CPXM2: variants seen among roughly 807,000 people sequenced by gnomAD.
CPXM2 encodes carboxypeptidase X, M14 family member 2.
In CPXM2, 66 loss-of-function variants were observed where a neutral mutation model predicts 86.1. The observed-to-expected ratio is 0.77, with a 90% CI of 0.63 to 0.94. CPXM2 has a LOEUF of 0.94. Among genes scored for constraint, CPXM2 ranks in the 40% least tolerant of loss-of-function variants. The probability of loss-of-function intolerance (pLI) is 0.00; values close to 1 mark genes in which losing one functional copy is unlikely to be tolerated. For missense variants in CPXM2, 948 were observed against 1,026.3 expected, an observed-to-expected ratio of 0.92 and a Z score of 1.04; for synonymous variants, 388 against 400.2, an observed-to-expected ratio of 0.97 and a Z score of 0.36.
rs559323634 is a variant in CPXM2 at position 123,811,438 on chromosome 10, G to T, written c.654-12239C>A. Among the ~76,000 whole-genome samples the T allele has an allele frequency of 8.5e-5, 13 of 152,222 alleles. No homozygotes were observed. In the East Asian group the frequency reaches 2.3e-3, roughly 27 times the overall value. On this transcript the variant is annotated intron_variant, in intron 4 of 13. Transcript: ENST00000241305. Reference sequence around the variant, plus strand: ...CTTGCAATAGTTTGCAGAGAATGATGCTGACTGGATTAGCTACTTAAATGT... The same window carrying T: ...CTTGCAATAGTTTGCAGAGAATGATTCTGACTGGATTAGCTACTTAAATGT...
intron 4 of CPXM2, among the ~76,000 whole-genome samples, chr10:123,801,540 C>A (rs146888530): frequency 6.6e-6 from 1 of 152,306 alleles, no homozygotes; most frequent in East Asian, 1.9e-4. Flanking sequence ...CCTGCCACCA[C>A]CCCAGTTCAC....
chr10:123,766,745 C>T (rs1231373848), intron 10 of CPXM2, among the ~76,000 whole-genome samples: 1 of 152,152 alleles, frequency 6.6e-6, no homozygotes, highest in Non-Finnish European at 1.5e-5. Context: ...TTTGAAGCTC[C>T]ATGTGCTTGT....
At chr10:123,774,990 T>C (rs1055140714) in intron 7 of CPXM2, among the ~76,000 whole-genome samples, 2 of 152,162 alleles carry the variant, frequency 1.3e-5, no homozygotes. Context: ...GACTGGCAGG[T>C]AAAGTAGAGA....
rs10603506 is a variant in CPXM2 at position 123,822,724 on chromosome 10, A to AAATAAT, written c.653+19619_653+19624dup. Among the ~76,000 whole-genome samples the AAATAAT allele has an allele frequency of 9.2e-4, 138 of 150,020 alleles. 1 individual carries two copies. Among genetic ancestry groups the AAATAAT allele is most frequent in the Middle Eastern group, 3.4e-3 (1 of 292 alleles). ...AGTAGGCAGCAGAAAATGGACCTGA[A>AAATAAT]AATAATAATAATAATAATAATAATA... is the stretch of plus-strand genomic sequence containing the variant. On this transcript the variant is annotated intron_variant, in intron 4 of 13. Transcript: ENST00000241305.
At chr10:123,831,891 A>G (rs547138295) in intron 4 of CPXM2, among the ~76,000 whole-genome samples, 1 of 149,660 alleles carries the variant, frequency 6.7e-6, no homozygotes, top group East Asian at 2.0e-4. Context: ...GTAACCAACC[A>G]TATTCACAGG....
intron 2 of CPXM2, among the ~76,000 whole-genome samples, chr10:123,916,093 G>GA (rs900215034): frequency 3.6e-4 from 53 of 148,928 alleles, no homozygotes; most frequent in Admixed American, 1.7e-3. Flanking sequence ...TGCTTTGGGA[G>GA]AAAAAAAAAA....
chr10:123,819,113 C>G (rs1286823505), intron 4 of CPXM2, among the ~76,000 whole-genome samples: 1 of 152,214 alleles, frequency 6.6e-6, no homozygotes, highest in African/African-American at 2.4e-5. Context: ...AGTCAACAGG[C>G]TAAGAAGGGA....
intron 3 of CPXM2, chr10:123,843,273 T>C: frequency 2.2e-6 from 1 of 455,790 alleles, no homozygotes; most frequent in South Asian, 1.5e-5. Context: ...TTGATCTGAA[T>C]TTCCAAGATA....
intron 4 of CPXM2, among the ~76,000 whole-genome samples, chr10:123,830,634 C>T (rs574223988): frequency 1.3e-5 from 2 of 152,314 alleles, no homozygotes; most frequent in African/African-American, 4.8e-5. Context: ...CCTCCTCTTC[C>T]TGTCCATCAC....
chr10:123,757,502 T>G lies in CPXM2; in HGVS notation c.1778-150A>C, dbSNP rs549493882. The G allele has an allele frequency of 4.3e-5, 29 of 670,784 alleles. No individual in the cohort carries two copies. In the South Asian group the frequency reaches 5.5e-4, roughly 13 times the overall value. 41.6% of individuals were successfully genotyped at this position (670,784 alleles called of 1,614,324 possible). Reference sequence around the variant, plus strand: ...GAAGTATCTACTATAGACAAAAATTTGCATTAGAGCAAATGTGTGTGAGTT... The same window carrying G: ...GAAGTATCTACTATAGACAAAAATTGGCATTAGAGCAAATGTGTGTGAGTT... On this transcript the variant is annotated intron_variant, in intron 11 of 13. Transcript: ENST00000241305.
intron 6 of CPXM2, among the ~76,000 whole-genome samples, chr10:123,789,331 T>A (rs1847149214): frequency 1.3e-5 from 2 of 152,100 alleles, no homozygotes; most frequent in Non-Finnish European, 2.9e-5. Context: ...CTCACTTCCA[T>A]CCCATTTCCT....
Position 123,830,872 on chromosome 10 carries a change from C to CTCTCTCTGTGTGTGTGTGTGTG in CPXM2, c.653+11476_653+11477insCACACACACACACACAGAGAGA, listed in dbSNP as rs1258897184. Among the ~76,000 whole-genome samples the CTCTCTCTGTGTGTGTGTGTGTG allele has an allele frequency of 1.1e-3, 154 of 142,792 alleles. 1 individual carries two copies. Among genetic ancestry groups the CTCTCTCTGTGTGTGTGTGTGTG allele is most frequent in the African/African-American group, 3.9e-3 (146 of 37,836 alleles). 93.7% of individuals were successfully genotyped at this position (142,792 alleles called of 152,430 possible). Reference sequence around the variant, plus strand: ...CACTCATCTCTCTCTCTCTCTCTCTCTGTGTGTGTGTGTGTGTGTGTGTGT... The same window carrying CTCTCTCTGTGTGTGTGTGTGTG: ...CACTCATCTCTCTCTCTCTCTCTCTCTCTCTCTGTGTGTGTGTGTGTGTGTGTGTGTGTGTGTGTGTGTGTGT... On this transcript the variant is annotated intron_variant, in intron 4 of 13. Coordinates refer to ENST00000241305, the MANE Select transcript of CPXM2 (RefSeq NM_198148.3).
chr10:123,772,244 A>T (rs1846654030), intron 7 of CPXM2, among the ~76,000 whole-genome samples: 1 of 151,720 alleles, frequency 6.6e-6, no homozygotes, highest in African/African-American at 2.4e-5. Context: ...TGCTATAGCT[A>T]TCGCTACCCT....
At chr10:123,873,867 T>C (rs2134217844) in intron 2 of CPXM2, among the ~76,000 whole-genome samples, 1 of 148,478 alleles carries the variant, frequency 6.7e-6, no homozygotes, top group South Asian at 2.2e-4. Flanking sequence ...TTTTTTTTTT[T>C]TTTTTTTTTT....
chr10:123,767,795 C>T (rs1011330824), intron 9 of CPXM2, among the ~76,000 whole-genome samples: 1 of 152,054 alleles, frequency 6.6e-6, no homozygotes, highest in Non-Finnish European at 1.5e-5. Flanking sequence ...TATATCATAA[C>T]TGGAACACAA....
chr10:123,941,356 G>A (rs1384255522), upstream of CPXM2, among the ~76,000 whole-genome samples: 1 of 152,080 alleles, frequency 6.6e-6, no homozygotes, highest in African/African-American at 2.4e-5. Flanking sequence ...GTGTTTCTCG[G>A]CTTACAGCTG....
In CPXM2 at chr10:123,891,726, A is replaced by C; in HGVS notation, c.-67T>G. 4 of 1,229,684 alleles carry C rather than the reference A, an allele frequency of 3.3e-6. No individual in the cohort carries two copies. The highest frequency in any genetic ancestry group is 4.2e-6 in the Non-Finnish European group (4 of 962,920). 76.2% of individuals were successfully genotyped at this position (1,229,684 alleles called of 1,614,324 possible). ...GGGGCGCCGGGCGGGCTGCGGGCGCAGAAGCTGGCGCGGGGCAAGGGCGCA... is the reference window on the plus strand; with the variant it reads ...GGGGCGCCGGGCGGGCTGCGGGCGCCGAAGCTGGCGCGGGGCAAGGGCGCA... On this transcript the variant is annotated 5_prime_UTR_variant, in exon 1 of 14. Transcript: ENST00000241305. This position sits in a 1 kb window ranked among gnomAD's most constrained non-coding sequence, Gnocchi z 5.6.
At chr10:123,818,889 G>A (rs1411688562) in intron 4 of CPXM2, among the ~76,000 whole-genome samples, 2 of 152,124 alleles carry the variant, frequency 1.3e-5, no homozygotes, top group East Asian at 3.9e-4. Context: ...ACAGGTCCAG[G>A]AATCAAGGGG....
chr10:123,782,488 G>A (rs1476925815), intron 6 of CPXM2, among the ~76,000 whole-genome samples: 1 of 152,106 alleles, frequency 6.6e-6, no homozygotes, highest in Non-Finnish European at 1.5e-5. Context: ...AAAGGTATGG[G>A]TACCTTTTCC....
Sources: allele counts gnomAD v4.1 joint callset (sites outside exome capture counted in the v4.1 genomes callset), GRCh38; gene constraint gnomAD v4.1.1; non-coding constraint Gnocchi (gnomAD v3.1); transcripts MANE v1.5; gene names NCBI Gene and HGNC (gene_info 2026-07-23, HGNC 2026-07-21).